OTULIN: variants seen among roughly 807,000 people sequenced by gnomAD.
OTULIN encodes the protein OTU deubiquitinase with linear linkage specificity, also known as ubiquitin thioesterase otulin.
Under a neutral mutation model 39.6 loss-of-function variants are expected in OTULIN, and 15 were observed. The observed-to-expected ratio is 0.38, with a 90% CI of 0.25 to 0.58. OTULIN has a LOEUF of 0.58. Ranked by LOEUF, OTULIN falls within the 20% of genes least tolerant of loss-of-function variation. The pLI, the probability that OTULIN is intolerant of heterozygous loss-of-function variation, is 0.66. For missense variants in OTULIN, 319 were observed against 445.9 expected, an observed-to-expected ratio of 0.72 and a Z score of 2.56; for synonymous variants, 156 against 170.3, an observed-to-expected ratio of 0.92 and a Z score of 0.65.
the OTULIN span, among the ~76,000 whole-genome samples, chr5:14,713,368 T>TA: frequency 6.6e-6 from 1 of 152,196 alleles, no homozygotes; most frequent in Non-Finnish European, 1.5e-5. The surrounding 1 kb of genome is among the most constrained non-coding windows in gnomAD (Gnocchi z 4.4). Context: ...AGCACTTTTC[T>TA]AAAATGGATC....
the OTULIN span, among the ~76,000 whole-genome samples, chr5:14,712,085 CATTAT>C: frequency 3.3e-5 from 5 of 152,214 alleles, no homozygotes; most frequent in African/African-American, 9.7e-5. Flanking sequence ...GCTTTTCTTT[CATTAT>C]ATTTGCCAGG....
downstream of OTULIN, among the ~76,000 whole-genome samples, chr5:14,700,674 C>A (rs145518368): frequency 6.0e-5 from 9 of 151,218 alleles, 1 homozygote; most frequent in East Asian, 1.8e-3. Context: ...CCCCAGCCCT[C>A]CCCTCTGCAG....
chr5:14,700,102 G>A (rs1364564405), downstream of OTULIN, among the ~76,000 whole-genome samples: 1 of 152,210 alleles, frequency 6.6e-6, no homozygotes, highest in African/African-American at 2.4e-5. Context: ...GTTTTCATTT[G>A]CGTAAACCAT....
rs1224279185 is a variant in OTULIN at position 14,699,400 on chromosome 5, T to C, written c.*6352T>C. On this transcript the variant is annotated 3_prime_UTR_variant, in exon 7 of 7. Transcript: ENST00000284274. ...TCTGAAGAACCCAGTGGGTAGGTAC[T>C]GGGCATCCATTAGACGGCAGTGCTA... 6.6e-6 allele frequency: 1 copy of C among 152,202 alleles called. No homozygotes were observed. Among genetic ancestry groups the C allele is most frequent in the Non-Finnish European group, 1.5e-5 (1 of 68,048 alleles). 9.4% of individuals were successfully genotyped at this position (152,202 alleles called of 1,614,324 possible). A position where few individuals can be genotyped will look rare whatever the true frequency, so the allele number is the denominator to read the frequency against.
At chr5:14,706,115 T>A in the OTULIN span, 1 of 152,196 alleles carries the variant, frequency 6.6e-6, no homozygotes, top group African/African-American at 2.4e-5. Flanking sequence ...GCCTAGTTCT[T>A]GTGTGCTTTT....
intron 1 of OTULIN, among the ~76,000 whole-genome samples, chr5:14,665,830 T>C (rs1474818394): frequency 2.0e-5 from 3 of 152,214 alleles, no homozygotes; most frequent in African/African-American, 4.8e-5. Context: ...TAGGTAGATA[T>C]TGTGTTATAA....
At chr5:14,713,469 T>G in the OTULIN span, 4 of 1,584,260 alleles carry the variant, frequency 2.5e-6, no homozygotes, top group South Asian at 1.1e-5. This position sits in a 1 kb window ranked among gnomAD's most constrained non-coding sequence, Gnocchi z 4.4. Flanking sequence ...CCCCTGAAAA[T>G]GTAGCTGTTA....
Position 14,690,231 on chromosome 5 carries a change from C to A in OTULIN, c.787C>A (p.Arg263=). The A allele has an allele frequency of 2.5e-6, 4 of 1,614,104 alleles. No individual in the cohort carries two copies. Among genetic ancestry groups the A allele is most frequent in the South Asian group, 1.1e-5 (1 of 91,064 alleles). The stretch of plus-strand genomic sequence containing the variant: ...ATTTTTCTCTGTGCTTCTGTTTGCT[C>A]GGGACACATCAAATGACCCAGGACA... ...VPFFSVLLFA[R]DTSNDPGQLL... Residue 263 remains arginine (R), a synonymous_variant, in exon 6 of 7, where the codon CGG becomes AGG. Transcript: ENST00000284274. This position sits in a 1 kb window ranked among gnomAD's most constrained non-coding sequence, Gnocchi z 4.5.
the OTULIN span, chr5:14,710,415 TAA>T: frequency 1.3e-5 from 2 of 152,206 alleles, no homozygotes; most frequent in South Asian, 2.1e-4. Flanking sequence ...TGTGACAATT[TAA>T]AAAAGTTAGC....
At chr5:14,686,333 C>G (rs1736387406) in intron 4 of OTULIN, among the ~76,000 whole-genome samples, 1 of 152,098 alleles carries the variant, frequency 6.6e-6, no homozygotes, top group Admixed American at 6.5e-5. Flanking sequence ...TGAGGTCTTG[C>G]TCTGTTGCTC....
chr5:14,712,821 C>T, the OTULIN span: 5 of 1,521,600 alleles, frequency 3.3e-6, no homozygotes, highest in South Asian at 2.4e-5. Context: ...CTCAGGTTCT[C>T]CTGCACCCAG....
chr5:14,667,625 G>T (rs1246226329), intron 1 of OTULIN, among the ~76,000 whole-genome samples: 1 of 152,160 alleles, frequency 6.6e-6, no homozygotes, highest in Non-Finnish European at 1.5e-5. Context: ...TCCTCTTGCC[G>T]CAGCTTCCTG....
At chr5:14,676,079 A>G (rs1411052955) in intron 2 of OTULIN, among the ~76,000 whole-genome samples, 2 of 151,610 alleles carry the variant, frequency 1.3e-5, no homozygotes, top group Non-Finnish European at 2.9e-5. Flanking sequence ...TTCCTATCCT[A>G]TTCCACCCTG....
the OTULIN span, chr5:14,708,536 C>T: frequency 1.3e-5 from 2 of 152,216 alleles, no homozygotes. Context: ...GAAAGGTCAC[C>T]CTCCCTGGTT....
In OTULIN at chr5:14,690,422, C is replaced by G; in HGVS notation, c.864+114C>G. On this transcript the variant is annotated intron_variant, in intron 6 of 6. Transcript: ENST00000284274. This position sits in a 1 kb window ranked among gnomAD's most constrained non-coding sequence, Gnocchi z 4.5. ...TCAGGGACAGCTTAGTTGGATGGTT[C>G]TGGCTCAGGATGTCATGAGGCTGCA... 3.9e-6 allele frequency: 5 copies of G among 1,295,202 alleles called. No homozygotes were observed. The highest frequency in any genetic ancestry group is 5.3e-6 in the Non-Finnish European group (5 of 945,036). 80.2% of individuals were successfully genotyped at this position (1,295,202 alleles called of 1,614,324 possible). A position where few individuals can be genotyped will look rare whatever the true frequency, so the allele number is the denominator to read the frequency against.
At chr5:14,689,719 ATG>A (rs1736475577) in intron 5 of OTULIN, among the ~76,000 whole-genome samples, 10 of 152,088 alleles carry the variant, frequency 6.6e-5, no homozygotes, top group Admixed American at 6.5e-4. Context: ...CTTCACACAC[ATG>A]TGTTAGCTCT....
intron 6 of OTULIN, among the ~76,000 whole-genome samples, chr5:14,691,647 A>G (rs951139616): frequency 1.3e-5 from 2 of 150,862 alleles, no homozygotes; most frequent in Admixed American, 1.3e-4. Flanking sequence ...TTTGAAATAC[A>G]TATACCATAA....
the OTULIN span, among the ~76,000 whole-genome samples, chr5:14,714,224 A>G: frequency 3.9e-4 from 60 of 151,960 alleles, no homozygotes; most frequent in South Asian, 9.6e-3. Context: ...CTCCCTCCTA[A>G]TGGTGTGGGC....
rs201095893 is a variant in OTULIN at position 14,693,077 on chromosome 5, C to T, written c.*29C>T. The T allele has an allele frequency of 5.4e-5, 85 of 1,562,656 alleles. No homozygotes were observed. Among genetic ancestry groups the T allele is most frequent in the East Asian group, 4.7e-4 (20 of 42,266 alleles). ...ACGCATGCTCCTGACAGCCTGGCGA[C>T]GTGGCGAAGATGCACAGGTGGCTCC... On this transcript the variant is annotated 3_prime_UTR_variant, in exon 7 of 7. Coordinates refer to ENST00000284274, the MANE Select transcript of OTULIN (RefSeq NM_138348.6).
Sources: allele counts gnomAD v4.1 joint callset (sites outside exome capture counted in the v4.1 genomes callset), GRCh38; gene constraint gnomAD v4.1.1; non-coding constraint Gnocchi (gnomAD v3.1); transcripts MANE v1.5; gene names NCBI Gene and HGNC (gene_info 2026-07-23, HGNC 2026-07-21).